Variants in TIAM2 observed in about 807,000 individuals in gnomAD.
TIAM2 encodes rho guanine nucleotide exchange factor TIAM2.
In TIAM2, 80 loss-of-function variants were observed where a neutral mutation model predicts 152.9. The observed-to-expected ratio is 0.52, with a 90% CI of 0.44 to 0.63. The LOEUF (loss-of-function observed/expected upper bound fraction) is 0.63. TIAM2 is among the 30% of genes least tolerant of loss of function. TIAM2 has a pLI of 0.00. For missense variants in TIAM2, 1,965 were observed against 2,120.1 expected, an observed-to-expected ratio of 0.93 and a Z score of 1.44; for synonymous variants, 804 against 838.0, an observed-to-expected ratio of 0.96 and a Z score of 0.70.
At chr6:155,112,935 C>G (rs973386293) in intron 2 of TIAM2, among the ~76,000 whole-genome samples, 2 of 151,850 alleles carry the variant, frequency 1.3e-5, no homozygotes, top group East Asian at 1.9e-4. Context: ...TTGCCTCTCC[C>G]CTGCATCGTT....
intron 1 of TIAM2, among the ~76,000 whole-genome samples, chr6:155,054,360 C>T (rs1777391910): frequency 6.6e-6 from 1 of 152,078 alleles, no homozygotes; most frequent in Non-Finnish European, 1.5e-5. Flanking sequence ...TCCAATGAAG[C>T]CTCTTTGATG....
chr6:155,169,120 C>T (rs563809633), intron 9 of TIAM2, among the ~76,000 whole-genome samples: 3 of 152,124 alleles, frequency 2.0e-5, no homozygotes, highest in Non-Finnish European at 2.9e-5. Flanking sequence ...CTCAGCCTCC[C>T]GAGTAGCTGG....
At chr6:155,149,428 A>G (rs74957644) in intron 7 of TIAM2, among the ~76,000 whole-genome samples, 3 of 152,370 alleles carry the variant, frequency 2.0e-5, no homozygotes, top group Non-Finnish European at 4.4e-5. Context: ...TCCTTTAGTT[A>G]CTTGTTAAGT....
At chr6:155,227,184 C>G (rs951523140) in intron 15 of TIAM2, among the ~76,000 whole-genome samples, 1 of 152,208 alleles carries the variant, frequency 6.6e-6, no homozygotes, top group Non-Finnish European at 1.5e-5. Context: ...ATCATTCACT[C>G]CCTTGAATCC....
intron 14 of TIAM2, among the ~76,000 whole-genome samples, chr6:155,197,135 C>T (rs1413427954): frequency 6.6e-6 from 1 of 152,218 alleles, no homozygotes; most frequent in East Asian, 1.9e-4. Context: ...TCCCAGTGGG[C>T]TTGTGCCAAA....
intron 1 of TIAM2, among the ~76,000 whole-genome samples, chr6:155,028,147 CTG>C (rs547076434): frequency 1.4e-5 from 1 of 71,686 alleles, no homozygotes; most frequent in Non-Finnish European, 2.4e-5. Context: ...AATATATGTA[CTG>C]TTACATATAT....
intron 15 of TIAM2, among the ~76,000 whole-genome samples, chr6:155,215,270 G>T (rs1781825795): frequency 6.6e-6 from 1 of 152,184 alleles, no homozygotes; most frequent in South Asian, 2.1e-4. Context: ...TTTACAAAGT[G>T]AACATTGGAG....
chr6:155,224,028 A>G (rs917965264), intron 15 of TIAM2, among the ~76,000 whole-genome samples: 2 of 152,154 alleles, frequency 1.3e-5, no homozygotes, highest in Non-Finnish European at 2.9e-5. Flanking sequence ...TCATTCACTC[A>G]TTAAATCCCC....
chr6:155,011,069 G>A (rs1778481344), intron 1 of TIAM2, among the ~76,000 whole-genome samples: 1 of 151,834 alleles, frequency 6.6e-6, no homozygotes, highest in Non-Finnish European at 1.5e-5. Flanking sequence ...TTAAATTTAG[G>A]AGCTGTTCTT....
At chr6:155,235,221 G>A (rs61630846) in intron 15 of TIAM2, among the ~76,000 whole-genome samples, 10,907 of 152,266 alleles carry the variant, frequency 0.072, 1,321 homozygotes, top group African/African-American at 0.25. Context: ...CAGCTGCTCG[G>A]CAAACACGAG....
intron 2 of TIAM2, among the ~76,000 whole-genome samples, chr6:155,105,494 C>G (rs1778662760): frequency 6.6e-6 from 1 of 151,980 alleles, no homozygotes; most frequent in Non-Finnish European, 1.5e-5. Context: ...TAGGGTCTCC[C>G]TATGTTGTCC....
At chr6:155,210,139 A>C (rs1055046846) in intron 14 of TIAM2, among the ~76,000 whole-genome samples, 76 of 152,158 alleles carry the variant, frequency 5.0e-4, no homozygotes, top group African/African-American at 1.8e-3. Flanking sequence ...TCTATTGGAG[A>C]AGAGTGCTGA....
intron 1 of TIAM2, among the ~76,000 whole-genome samples, chr6:155,044,337 T>G (rs541327166): frequency 6.6e-6 from 1 of 152,342 alleles, no homozygotes; most frequent in Non-Finnish European, 1.5e-5. Context: ...GGGCACACGA[T>G]AGGACCATAC....
intron 1 of TIAM2, among the ~76,000 whole-genome samples, chr6:155,034,320 G>A (rs751996422): frequency 6.6e-6 from 1 of 152,002 alleles, no homozygotes; most frequent in African/African-American, 2.4e-5. Flanking sequence ...GCACGGTCTT[G>A]GCTCACTGCA....
In TIAM2 at chr6:155,137,527, C is replaced by T; in HGVS notation, c.1545C>T (p.Phe515=). The change falls in exon 5 of 27, where the codon TTC becomes TTT. Residue 515 remains phenylalanine (F), a synonymous_variant. Coordinates refer to ENST00000682666, the MANE Select transcript of TIAM2 (RefSeq NM_012454.4). ...GVVRKAGWLF[F]KPLVTVQKER... ...TCCGGAAGGCCGGGTGGCTCTTCTTCAAGCCCCTGGTCACTGTGCAGAAGG... is the reference window on the plus strand; with the variant it reads ...TCCGGAAGGCCGGGTGGCTCTTCTTTAAGCCCCTGGTCACTGTGCAGAAGG... The T allele has an allele frequency of 1.9e-6, 3 of 1,613,948 alleles. No homozygotes were observed. Among genetic ancestry groups the T allele is most frequent in the Non-Finnish European group, 1.7e-6 (2 of 1,180,020 alleles).
chr6:155,056,527 C>T (rs1390524520), intron 1 of TIAM2, among the ~76,000 whole-genome samples: 1 of 151,980 alleles, frequency 6.6e-6, no homozygotes, highest in Admixed American at 6.6e-5. Flanking sequence ...CTCACACCTG[C>T]TTGTTTTCTG....
chr6:155,039,215 C>G (rs1206417301), intron 1 of TIAM2, among the ~76,000 whole-genome samples: 7 of 151,810 alleles, frequency 4.6e-5, no homozygotes, highest in Admixed American at 3.9e-4. Flanking sequence ...CCTACCTTGG[C>G]CTCTCAAAAT....
intron 1 of TIAM2, among the ~76,000 whole-genome samples, chr6:155,025,692 T>G (rs1226341651): frequency 6.6e-6 from 1 of 152,086 alleles, no homozygotes; most frequent in Non-Finnish European, 1.5e-5. Context: ...TGAAATTAAT[T>G]TCCTTGAAAA....
intron 4 of TIAM2, 28 bp downstream of exon 4, chr6:155,130,445 G>A (rs1207012702): frequency 4.4e-6 from 7 of 1,581,826 alleles, no homozygotes; most frequent in Non-Finnish European, 6.0e-6. Flanking sequence ...CAGAGGGAAG[G>A]GTCCCCACAG....
Sources: gnomAD v4.1 joint callset for allele counts (sites outside exome capture counted in the v4.1 genomes callset) on GRCh38, gnomAD v4.1.1 for gene constraint, MANE v1.5 for transcripts, NCBI Gene and HGNC (gene_info 2026-07-23, HGNC 2026-07-21) for gene names.